The following EFCAB3 variants were observed in gnomAD, a reference collection of about 807,000 sequenced individuals.
EFCAB3 encodes the protein EF-hand calcium-binding domain-containing protein 3.
EFCAB3 carries 36 observed loss-of-function variants against 42.2 expected under a neutral mutation model. The observed-to-expected ratio is 0.85, with a 90% CI of 0.65 to 1.13. The LOEUF (loss-of-function observed/expected upper bound fraction) is 1.13. Among genes scored for constraint, EFCAB3 ranks in the 50% most tolerant of loss-of-function variants. The pLI is 0.00. For synonymous variants in EFCAB3, 170 were observed against 172.8 expected (o/e 0.98, Z 0.13); for missense variants, 418 against 505.1 (o/e 0.83, Z 1.65).
intron 2 of EFCAB3, among the ~76,000 whole-genome samples, chr17:62,375,110 T>A (rs1229045048): frequency 6.6e-6 from 1 of 152,116 alleles, no homozygotes; most frequent in Non-Finnish European, 1.5e-5. Context: ...TGAGACCTTG[T>A]CTGTAAAAAG....
At chr17:62,411,823 AG>A (rs760664186) in intron 8 of EFCAB3, among the ~76,000 whole-genome samples, 1 of 136,830 alleles carries the variant, frequency 7.3e-6, no homozygotes, top group Admixed American at 7.6e-5. Context: ...GGAGGGAGGG[AG>A]GGAGGAAGGA....
chr17:62,407,298 A>T (rs1039461168), intron 8 of EFCAB3, 86 bp downstream of exon 8: 2 of 1,211,026 alleles, frequency 1.7e-6, no homozygotes, highest in Admixed American at 5.6e-5. Context: ...TTTTTACAAC[A>T]AATAGTTTTA....
intron 6 of EFCAB3, chr17:62,397,902 G>A (rs2070365046): frequency 3.9e-6 from 1 of 257,040 alleles, no homozygotes; most frequent in Admixed American, 4.9e-5. Flanking sequence ...GAGGGTGCCT[G>A]TAATCCCAGC....
rs2070322343 is a variant in EFCAB3, at chr17:62,393,559, G to A, written c.296-14G>A. On this transcript the variant is annotated splice_polypyrimidine_tract_variant and intron_variant, in intron 4 of 9. Transcript: ENST00000305286. Reference sequence around the variant, plus strand: ...CATCTTATCCTTGTCCTGAGTCTCAGATTTTTGTTGCAGGAGATGGGAAGG... The same window carrying A: ...CATCTTATCCTTGTCCTGAGTCTCAAATTTTTGTTGCAGGAGATGGGAAGG... 1.2e-6 allele frequency: 2 copies of A among 1,611,898 alleles called. No individual in the cohort carries two copies. The highest frequency in any genetic ancestry group is 4.5e-5 in the East Asian group (2 of 44,874).
Position 62,391,952 on chromosome 17 carries a change from T to G in EFCAB3, c.282T>G (p.Cys94Trp). The change falls in exon 4 of 10, where the codon TGT becomes TGG. Residue 94 changes from cysteine to tryptophan, a missense_variant. Physicochemically the swap from Cys to Trp is radical, Grantham distance 215 (BLOSUM62 -2). Coordinates refer to ENST00000305286, the MANE Select transcript of EFCAB3 (RefSeq NM_173503.4). ...TKHDVYNELKCADIDRDGKVN... is the reference protein window; with the variant it reads ...TKHDVYNELKWADIDRDGKVN... Reference sequence around the variant, plus strand: ...ATGATGTCTATAATGAATTGAAATGTGCTGATATTGATCGTGAGTCCTTTG... The same window carrying G: ...ATGATGTCTATAATGAATTGAAATGGGCTGATATTGATCGTGAGTCCTTTG... 1 of 1,603,868 alleles carries G rather than the reference T, an allele frequency of 6.2e-7. No individual in the cohort carries two copies. Among genetic ancestry groups the G allele is most frequent in the Non-Finnish European group, 8.5e-7 (1 of 1,173,484 alleles).
intron 6 of EFCAB3, among the ~76,000 whole-genome samples, chr17:62,401,575 T>C (rs1458479851): frequency 6.6e-6 from 1 of 152,130 alleles, no homozygotes; most frequent in Non-Finnish European, 1.5e-5. Flanking sequence ...TTTTTGTCAG[T>C]TTTGTCAAAG....
intron 1 of EFCAB3, among the ~76,000 whole-genome samples, chr17:62,370,761 G>A (rs1317874891): frequency 1.3e-5 from 2 of 151,920 alleles, no homozygotes; most frequent in Non-Finnish European, 1.5e-5. Flanking sequence ...AAACTTAAAC[G>A]TGCATATGAA....
At chr17:62,405,481 C>T (rs2070439817) in intron 6 of EFCAB3, among the ~76,000 whole-genome samples, 1 of 152,190 alleles carries the variant, frequency 6.6e-6, no homozygotes. Flanking sequence ...ACACTTTGTC[C>T]TCTGAGACAG....
chr17:62,378,888 C>T (rs923693725), upstream of EFCAB3, among the ~76,000 whole-genome samples: 1 of 150,284 alleles, frequency 6.7e-6, no homozygotes, highest in Admixed American at 6.6e-5. Flanking sequence ...CAAACCTGCA[C>T]GTTCTGCACA....
At chr17:62,375,664 TAA>T (rs2070144680), upstream of EFCAB3, among the ~76,000 whole-genome samples, 2 of 152,314 alleles carry the variant, frequency 1.3e-5, no homozygotes, top group Admixed American at 6.5e-5. Flanking sequence ...ATTCTTAAGA[TAA>T]TCCCTCCTAT....
chr17:62,382,399 A>T (rs1321528714), intron 1 of EFCAB3, among the ~76,000 whole-genome samples: 1 of 152,120 alleles, frequency 6.6e-6, no homozygotes, highest in Admixed American at 6.5e-5. Context: ...TAACATATTC[A>T]TCACTTCACT....
upstream of EFCAB3, among the ~76,000 whole-genome samples, chr17:62,375,797 C>A (rs2070145667): frequency 6.6e-6 from 1 of 152,154 alleles, no homozygotes; most frequent in South Asian, 2.1e-4. Context: ...CTTCAGATAT[C>A]TTTGCTTACT....
intron 8 of EFCAB3, among the ~76,000 whole-genome samples, chr17:62,410,441 C>T (rs2070485170): frequency 6.6e-6 from 1 of 152,016 alleles, no homozygotes; most frequent in Admixed American, 6.6e-5. Context: ...CACACATAGA[C>T]TCCCTATGAC....
intron 3 of EFCAB3, 68 bp downstream of exon 3, chr17:62,387,484 A>G (rs917667969): frequency 3.7e-6 from 5 of 1,339,182 alleles, no homozygotes; most frequent in Non-Finnish European, 5.2e-6. Flanking sequence ...TTCTTCTCTA[A>G]GAAAGATCTG....
At chr17:62,409,805 T>A (rs2070479405) in intron 8 of EFCAB3, among the ~76,000 whole-genome samples, 1 of 151,934 alleles carries the variant, frequency 6.6e-6, no homozygotes, top group African/African-American at 2.4e-5. Flanking sequence ...ACAAATATTA[T>A]AATATACTAC....
chr17:62,400,335 C>T (rs2070389945), intron 6 of EFCAB3, among the ~76,000 whole-genome samples: 1 of 152,008 alleles, frequency 6.6e-6, no homozygotes, highest in South Asian at 2.1e-4. Flanking sequence ...CCCATTAACT[C>T]GTCATTTACA....
chr17:62,414,996 C>A (rs868128660), intron 9 of EFCAB3, among the ~76,000 whole-genome samples: 2 of 151,796 alleles, frequency 1.3e-5, no homozygotes, highest in East Asian at 3.9e-4. Context: ...CCCAGCTACT[C>A]GGGAGGCTGA....
chr17:62,390,577 AAT>A (rs1182296270), intron 3 of EFCAB3, among the ~76,000 whole-genome samples: 2 of 152,208 alleles, frequency 1.3e-5, no homozygotes, highest in African/African-American at 4.8e-5. Flanking sequence ...TTAGTGCACT[AAT>A]ATATCCAAAG....
intron 3 of EFCAB3, among the ~76,000 whole-genome samples, chr17:62,390,048 A>AGTGCT (rs2070290057): frequency 6.6e-6 from 1 of 152,100 alleles, no homozygotes; most frequent in African/African-American, 2.4e-5. Context: ...GGCCTCCCAA[A>AGTGCT]GTGCTGGGAT....
Sources: gnomAD v4.1 joint callset for allele counts (sites outside exome capture counted in the v4.1 genomes callset) on GRCh38, gnomAD v4.1.1 for gene constraint, MANE v1.5 for transcripts, NCBI Gene and HGNC (gene_info 2026-07-23, HGNC 2026-07-21) for gene names.